The following SDK1 variants were observed in gnomAD, a reference collection of about 807,000 sequenced individuals.
SDK1 encodes protein sidekick-1.
In SDK1, 157 loss-of-function variants were observed where a neutral mutation model predicts 245.5. That is an observed-to-expected ratio of 0.64 (90% CI 0.56 to 0.73). The LOEUF (loss-of-function observed/expected upper bound fraction) is 0.73, where lower values mean the gene tolerates loss of function less well. Ranked by LOEUF, SDK1 falls within the 30% of genes least tolerant of loss-of-function variation. The pLI, the probability that SDK1 is intolerant of heterozygous loss-of-function variation, is 0.00. For missense variants in SDK1, 3,583 were observed against 3,002.3 expected, an observed-to-expected ratio of 1.19 and a Z score of -4.52; for synonymous variants, 1,647 against 1,278.5, an observed-to-expected ratio of 1.29 and a Z score of -6.15.
chr7:3,740,616 T>C (rs1231646388), intron 4 of SDK1, among the ~76,000 whole-genome samples: 1 of 152,210 alleles, frequency 6.6e-6, no homozygotes, highest in African/African-American at 2.4e-5. Context: ...GCTATTGTTT[T>C]TCACAGCTCC....
intron 1 of SDK1, among the ~76,000 whole-genome samples, chr7:3,340,929 A>G (rs1780332613): frequency 6.6e-6 from 1 of 152,184 alleles, no homozygotes; most frequent in South Asian, 2.1e-4. Context: ...ATTTACCAAC[A>G]TTTAAAGAAG....
chr7:3,307,802 C>G (rs1779455856), intron 1 of SDK1, among the ~76,000 whole-genome samples: 1 of 152,126 alleles, frequency 6.6e-6, no homozygotes, highest in Admixed American at 6.5e-5. Flanking sequence ...ATTAGTCTCT[C>G]TGAGTCTGTT....
intron 1 of SDK1, among the ~76,000 whole-genome samples, chr7:3,340,419 G>C (rs2128554067): frequency 6.6e-6 from 1 of 152,244 alleles, no homozygotes; most frequent in South Asian, 2.1e-4. Context: ...TGATAGACTT[G>C]CTGAAAGCAG....
intron 14 of SDK1, among the ~76,000 whole-genome samples, chr7:3,997,710 G>A (rs942311602): frequency 6.6e-6 from 1 of 152,130 alleles, no homozygotes; most frequent in African/African-American, 2.4e-5. Context: ...CCATGAGTGG[G>A]CCTGGAAAAG....
At chr7:3,396,807 A>T (rs1778719557) in intron 1 of SDK1, among the ~76,000 whole-genome samples, 1 of 151,642 alleles carries the variant, frequency 6.6e-6, no homozygotes, top group Non-Finnish European at 1.5e-5. Context: ...CTATACTGTT[A>T]ATCTGCACCT....
intron 1 of SDK1, among the ~76,000 whole-genome samples, chr7:3,412,245 G>A (rs1779230757): frequency 6.6e-6 from 1 of 152,088 alleles, no homozygotes; most frequent in South Asian, 2.1e-4. Context: ...CATTTCCTCA[G>A]CCACTCAGGC....
intron 1 of SDK1, among the ~76,000 whole-genome samples, chr7:3,566,891 C>T (rs188603357): frequency 6.6e-6 from 1 of 152,030 alleles, no homozygotes; most frequent in Non-Finnish European, 1.5e-5. Context: ...CCTTATTACA[C>T]TAGCAAGAGT....
intron 1 of SDK1, among the ~76,000 whole-genome samples, chr7:3,598,300 A>C (rs2128637821): frequency 6.6e-6 from 1 of 152,352 alleles, no homozygotes; most frequent in Middle Eastern, 3.4e-3. Context: ...CTGGATATAA[A>C]TTCTTGCAAG....
intron 1 of SDK1, among the ~76,000 whole-genome samples, chr7:3,475,626 C>A (rs376346516): frequency 1.3e-5 from 2 of 152,176 alleles, no homozygotes; most frequent in Non-Finnish European, 2.9e-5. Context: ...AATCAAATGA[C>A]ATGATTATGT....
At chr7:3,540,977 C>G (rs1204328839) in intron 1 of SDK1, among the ~76,000 whole-genome samples, 1 of 152,136 alleles carries the variant, frequency 6.6e-6, no homozygotes, top group East Asian at 1.9e-4. Context: ...TTTTATTTTA[C>G]TGGAGGAAAG....
chr7:3,856,706 G>A (rs1014306327), intron 5 of SDK1, among the ~76,000 whole-genome samples: 14 of 152,004 alleles, frequency 9.2e-5, no homozygotes, highest in South Asian at 2.1e-4. Flanking sequence ...CAGGAGTGTC[G>A]CTTGAACATG....
At position 3,951,724 on chromosome 7, in the gene SDK1, C is replaced by G; in HGVS notation, c.960-6C>G. ...TCGTCGTCATGAATGCCTTTCATTC[C>G]CACAGGCCTGTGGAGGACCTGAGTG... On this transcript the variant is annotated splice_region_variant and splice_polypyrimidine_tract_variant and intron_variant, in intron 6 of 44. Transcript: ENST00000404826. 6.2e-7 allele frequency: 1 copy of G among 1,612,156 alleles called. No individual in the cohort carries two copies. Among genetic ancestry groups the G allele is most frequent in the Non-Finnish European group, 8.5e-7 (1 of 1,179,654 alleles).
chr7:3,316,121 G>A (rs1779657452), intron 1 of SDK1, among the ~76,000 whole-genome samples: 2 of 152,044 alleles, frequency 1.3e-5, no homozygotes, highest in South Asian at 2.1e-4. Flanking sequence ...GAGGCATGAA[G>A]TTGTAAATGA....
intron 4 of SDK1, among the ~76,000 whole-genome samples, chr7:3,727,247 A>G (rs914389641): frequency 1.3e-5 from 2 of 152,252 alleles, no homozygotes; most frequent in Non-Finnish European, 2.9e-5. Flanking sequence ...TTTAAAAAAC[A>G]ACCTTGTTGC....
At chr7:3,390,728 A>G (rs1781729746) in intron 1 of SDK1, among the ~76,000 whole-genome samples, 1 of 152,118 alleles carries the variant, frequency 6.6e-6, no homozygotes, top group Non-Finnish European at 1.5e-5. Context: ...GAACCACCAG[A>G]AGCTAGGAGA....
intron 25 of SDK1, among the ~76,000 whole-genome samples, chr7:4,123,250 T>A (rs990534056): frequency 2.0e-5 from 3 of 152,246 alleles, no homozygotes; most frequent in African/African-American, 7.2e-5. Context: ...TTTTAGAACC[T>A]GGTACCAACG....
intron 5 of SDK1, among the ~76,000 whole-genome samples, chr7:3,822,800 G>A (rs1011798193): frequency 3.3e-5 from 5 of 151,868 alleles, no homozygotes; most frequent in Admixed American, 6.6e-5. Context: ...AAAAGTATGT[G>A]GGATGGAGTG....
chr7:3,805,315 G>A (rs1310861112), intron 4 of SDK1, among the ~76,000 whole-genome samples: 5 of 152,316 alleles, frequency 3.3e-5, no homozygotes, highest in East Asian at 3.9e-4. Context: ...TGTAGACCAC[G>A]TCATCTGCAA....
At chr7:3,585,453 G>A (rs1780654318) in intron 1 of SDK1, among the ~76,000 whole-genome samples, 1 of 152,190 alleles carries the variant, frequency 6.6e-6, no homozygotes, top group Admixed American at 6.5e-5. Flanking sequence ...GTAGAAAAAA[G>A]AGATGACAAC....
Sources: allele counts gnomAD v4.1 joint callset (sites outside exome capture counted in the v4.1 genomes callset), GRCh38; gene constraint gnomAD v4.1.1; transcripts MANE v1.5; gene names NCBI Gene and HGNC (gene_info 2026-07-23, HGNC 2026-07-21).